The following PRKCQ variants were observed in gnomAD, a reference collection of about 807,000 sequenced individuals.
The protein encoded by PRKCQ is protein kinase C theta, also known as protein kinase C theta type.
Under a neutral mutation model 91.2 loss-of-function variants are expected in PRKCQ, and 41 were observed. That is an observed-to-expected ratio of 0.45 (90% CI 0.35 to 0.58). PRKCQ has a LOEUF of 0.58. PRKCQ is among the 20% of genes least tolerant of loss of function. The probability of loss-of-function intolerance (pLI) is 0.00; values close to 1 mark genes in which losing one functional copy is unlikely to be tolerated. For missense variants in PRKCQ, 673 were observed against 896.5 expected, an observed-to-expected ratio of 0.75 and a Z score of 3.18; for synonymous variants, 307 against 316.9, an observed-to-expected ratio of 0.97 and a Z score of 0.33.
chr10:6,471,354 G>A lies in PRKCQ; in HGVS notation c.1354-6950C>T, dbSNP rs112697685. Among the ~76,000 whole-genome samples the A allele has an allele frequency of 3.0e-3, 456 of 152,338 alleles. 3 individuals are homozygous for A. The highest frequency in any genetic ancestry group is 0.01 in the Middle Eastern group (3 of 294). ...GAGCAAAATCATCTTTCTGGGTCAC[G>A]TAAGCTGAGAAGCCTGAGCGTCTGA... On this transcript the variant is annotated intron_variant, in intron 12 of 17. Transcript: ENST00000263125.
chr10:6,454,042 G>A (rs1009988325), intron 15 of PRKCQ, among the ~76,000 whole-genome samples: 12 of 152,152 alleles, frequency 7.9e-5, no homozygotes, highest in East Asian at 1.9e-4. Flanking sequence ...TGCACATTAT[G>A]CACATGTACC....
chr10:6,451,577 T>C (rs1834681860), intron 15 of PRKCQ, among the ~76,000 whole-genome samples: 1 of 152,194 alleles, frequency 6.6e-6, no homozygotes. Context: ...ACTCATTTGA[T>C]GAGGCCAGCA....
chr10:6,445,209 T>C (rs1015748589), intron 15 of PRKCQ, among the ~76,000 whole-genome samples: 2 of 151,890 alleles, frequency 1.3e-5, no homozygotes, highest in African/African-American at 4.8e-5. Context: ...TGAGCTTTTT[T>C]AGATGGAGCA....
chr10:6,468,267 G>T (rs930895310), intron 12 of PRKCQ, among the ~76,000 whole-genome samples: 1 of 152,190 alleles, frequency 6.6e-6, no homozygotes, highest in African/African-American at 2.4e-5. Context: ...TGTAAAAGTG[G>T]CCTCAAAAGT....
rs546358761 is a variant in PRKCQ, at chr10:6,433,391, G to A, written c.1837-2453C>T. On this transcript the variant is annotated intron_variant, in intron 16 of 17. Coordinates refer to ENST00000263125, the MANE Select transcript of PRKCQ (RefSeq NM_006257.5). ...TAAGCTCTGGAGGCCGGGCACCATT[G>A]ACATATCTATTCCTTACAGAAGCTA... Among the ~76,000 whole-genome samples, 7 of 152,282 alleles carry A rather than the reference G, an allele frequency of 4.6e-5. No individual in the cohort carries two copies. The East Asian group carries it at 9.6e-4, about 21-fold the overall frequency.
At chr10:6,522,732 G>A (rs192045771) in intron 1 of PRKCQ, among the ~76,000 whole-genome samples, 2 of 152,142 alleles carry the variant, frequency 1.3e-5, no homozygotes, top group African/African-American at 4.8e-5. Flanking sequence ...GAGTCTCACA[G>A]AATTAAAATA....
chr10:6,530,896 C>A (rs1032210723), intron 1 of PRKCQ, among the ~76,000 whole-genome samples: 1 of 152,168 alleles, frequency 6.6e-6, no homozygotes, highest in African/African-American at 2.4e-5. Flanking sequence ...TTCTAGCTTA[C>A]GGGACTCTCT....
intron 16 of PRKCQ, among the ~76,000 whole-genome samples, chr10:6,440,450 A>G: frequency 6.6e-6 from 1 of 152,196 alleles, no homozygotes; most frequent in East Asian, 1.9e-4. Flanking sequence ...AGCTTTAGCC[A>G]TCCTCCAGTT....
At position 6,534,128 on chromosome 10, in the gene PRKCQ, G is replaced by A. The variant is rs543277321; in HGVS notation, c.-9-18984C>T. ...CATTAAAAAGGGCAAATCCCCTAAT[G>A]AAAAAATGGGCAAAGGCTAACAACA... On this transcript the variant is annotated intron_variant, in intron 1 of 17. Coordinates refer to ENST00000263125, the MANE Select transcript of PRKCQ (RefSeq NM_006257.5). 1.7e-3 allele frequency among the ~76,000 whole-genome samples: 252 copies of A among 152,126 alleles called. 1 individual carries two copies. The highest frequency in any genetic ancestry group is 5.8e-3 in the African/African-American group (241 of 41,510).
intron 1 of PRKCQ, among the ~76,000 whole-genome samples, chr10:6,535,936 GCA>G (rs1301994747): frequency 6.6e-6 from 1 of 152,152 alleles, no homozygotes; most frequent in Non-Finnish European, 1.5e-5. Flanking sequence ...AGTTCTAGGA[GCA>G]CCACCCTAGG....
At chr10:6,542,641 T>C (rs1284944878) in intron 1 of PRKCQ, among the ~76,000 whole-genome samples, 3 of 152,160 alleles carry the variant, frequency 2.0e-5, no homozygotes, top group Non-Finnish European at 4.4e-5. Flanking sequence ...AACAGCTGGA[T>C]CACTAGGTAC....
At position 6,465,831 on chromosome 10, in the gene PRKCQ, T is replaced by G. The variant is rs1299283737; in HGVS notation, c.1354-1427A>C. 6.6e-6 allele frequency among the ~76,000 whole-genome samples: 1 copy of G among 152,242 alleles called. No homozygotes were observed. The highest frequency in any genetic ancestry group is 2.4e-5 in the African/African-American group (1 of 41,470). On this transcript the variant is annotated intron_variant, in intron 12 of 17. Transcript: ENST00000263125. This position sits in a 1 kb window ranked among gnomAD's most constrained non-coding sequence, Gnocchi z 4.4. ...TTCAATGTTAGTTTCCGATCTGATT[T>G]ACTAATTCCATATATCTTTAAGTGA...
At chr10:6,546,870 G>C (rs1247693308) in intron 1 of PRKCQ, among the ~76,000 whole-genome samples, 5 of 152,164 alleles carry the variant, frequency 3.3e-5, no homozygotes, top group Non-Finnish European at 7.4e-5. Flanking sequence ...CTGTGGGTCT[G>C]TCATAGATAG....
At chr10:6,457,670 A>G (rs575245933) in intron 14 of PRKCQ, among the ~76,000 whole-genome samples, 31 of 152,308 alleles carry the variant, frequency 2.0e-4, no homozygotes, top group African/African-American at 7.5e-4. Flanking sequence ...GAATGAAGCC[A>G]GAATCCTCCA....
the PRKCQ span, among the ~76,000 whole-genome samples, chr10:6,411,497 A>G: frequency 6.6e-6 from 1 of 152,226 alleles, no homozygotes; most frequent in Non-Finnish European, 1.5e-5. Flanking sequence ...AAAAGGGATC[A>G]TAATAACACA....
intron 8 of PRKCQ, among the ~76,000 whole-genome samples, chr10:6,489,670 G>A (rs1002843288): frequency 6.6e-6 from 1 of 151,984 alleles, no homozygotes; most frequent in East Asian, 1.9e-4. Flanking sequence ...GCAGGGACCC[G>A]GGAGTGTCAG....
Position 6,498,527 on chromosome 10 carries a change from T to A in PRKCQ, c.411A>T (p.Glu137Asp), listed in dbSNP as rs756637907. 3.0e-5 allele frequency: 48 copies of A among 1,614,106 alleles called. No homozygotes were observed. In the South Asian group the frequency reaches 4.4e-4, roughly 15 times the overall value. ...GGCGCTGATGCAAAGCAAAGAAGCC[T>A]TCCGTCTCAAATTCATTCATGTCCT... ...DTKDMNEFETEGFFALHQRRG... is the reference protein window; with the variant it reads ...DTKDMNEFETDGFFALHQRRG... The change falls in exon 5 of 18, where the codon GAA becomes GAT. Residue 137 changes from glutamate (E) to aspartate (D), a missense_variant. Transcript: ENST00000263125.
intron 7 of PRKCQ, among the ~76,000 whole-genome samples, chr10:6,496,213 T>G (rs1404831220): frequency 2.2e-5 from 1 of 45,428 alleles, no homozygotes; most frequent in Non-Finnish European, 3.7e-5. Flanking sequence ...TAAGATTCCA[T>G]CTCAAAAAAA....
the PRKCQ span, among the ~76,000 whole-genome samples, chr10:6,408,664 C>G: frequency 6.6e-6 from 1 of 152,212 alleles, no homozygotes; most frequent in Non-Finnish European, 1.5e-5. Context: ...CTTGGCAAGA[C>G]TGCTTTAGAG....
Sources: allele counts gnomAD v4.1 joint callset (sites outside exome capture counted in the v4.1 genomes callset), GRCh38; gene constraint gnomAD v4.1.1; non-coding constraint Gnocchi (gnomAD v3.1); transcripts MANE v1.5; gene names NCBI Gene and HGNC (gene_info 2026-07-23, HGNC 2026-07-21).